Variants in ABCA6 observed in about 807,000 individuals in gnomAD.
ABCA6 encodes the protein ATP-binding cassette sub-family A member 6.
Under a neutral mutation model 191.2 loss-of-function variants are expected in ABCA6, and 164 were observed. The observed-to-expected ratio is 0.86, with a 90% confidence interval of 0.76 to 0.98. The LOEUF is 0.98. Among genes scored for constraint, ABCA6 ranks in the 50% least tolerant of loss-of-function variants. The pLI, the probability that ABCA6 is intolerant of heterozygous loss-of-function variation, is 0.00. For missense variants in ABCA6, 1,958 were observed against 1,894.1 expected (o/e 1.03, Z -0.63); for synonymous variants, 636 against 647.7 (o/e 0.98, Z 0.27).
chr17:69,112,121 C>G, intron 16 of ABCA6, 62 bp downstream of exon 16: 1 of 1,219,490 alleles, frequency 8.2e-7, no homozygotes, highest in Non-Finnish European at 1.2e-6. Context: ...TCATAATTGT[C>G]CACCTTTTTC....
Position 69,114,912 on chromosome 17 carries a change from A to T in ABCA6, c.1632T>A (p.Asn544Lys). Residue 544 changes from asparagine to lysine, a missense_variant, in exon 13 of 39, where the codon AAT (asparagine) becomes AAA (lysine). Transcript: ENST00000284425. Reference sequence around the variant, plus strand: ...CCTCCAAGTCTTGCATTTCAGAGAGATTTTTATTATAGATGGTAACTGATC... The same window carrying T: ...CCTCCAAGTCTTGCATTTCAGAGAGTTTTTTATTATAGATGGTAACTGATC... ...TEGSVTIYNK[N>K]LSEMQDLEEI... is the part of the protein sequence containing the mutation. 3 of 1,611,066 alleles carry T rather than the reference A, an allele frequency of 1.9e-6. No individual in the cohort carries two copies. Among genetic ancestry groups the T allele is most frequent in the Non-Finnish European group, 2.5e-6 (3 of 1,178,386 alleles).
Position 69,136,232 on chromosome 17 carries a change from G to A in ABCA6, c.320C>T (p.Ala107Val). 6.4e-7 allele frequency: 1 copy of A among 1,573,718 alleles called. No homozygotes were observed. The highest frequency in any genetic ancestry group is 8.6e-7 in the Non-Finnish European group (1 of 1,160,266). The change falls in exon 4 of 39, where the codon GCA (alanine) becomes GTA (valine). Residue 107 changes from alanine to valine, a missense_variant. By Grantham distance (64) the Ala-to-Val change is moderately conservative. Transcript: ENST00000284425. ...PLLKGTSVIG[A>V]PNKTHMDEIL... ...TTCGTCCATGTGTGTTTTATTTGGT[G>A]CCCCAATGACACTTGTTCCTGTGAA... is the stretch of plus-strand genomic sequence containing the variant.
chr17:69,084,569 C>T (rs113163376), intron 32 of ABCA6, 62 bp from the exon 33 acceptor site: 1 of 1,454,186 alleles, frequency 6.9e-7, no homozygotes, highest in South Asian at 1.1e-5. Context: ...TCCAAGCACA[C>T]AGAACAGTAA....
chr17:69,123,475 A>T, intron 9 of ABCA6, 68 bp from the exon 10 acceptor site: 1 of 1,141,816 alleles, frequency 8.8e-7, no homozygotes, highest in Non-Finnish European at 1.2e-6. Context: ...AGCCTTGCTA[A>T]CAACAATGCA....
At chr17:69,081,023 A>G (rs1339108136) in intron 37 of ABCA6, 43 bp downstream of exon 37, 1 of 1,176,804 alleles carries the variant, frequency 8.5e-7, no homozygotes, top group Non-Finnish European at 1.2e-6. Flanking sequence ...TTTTAGTATT[A>G]GTTGATTCTT....
In ABCA6 at chr17:69,102,826, C is replaced by A; in HGVS notation, c.2874+9G>T. On this transcript the variant is annotated intron_variant, in intron 21 of 38. Coordinates refer to ENST00000284425, the MANE Select transcript of ABCA6 (RefSeq NM_080284.3). ...TGTTTTTTTCATAAAAGCAAAAAGG[C>A]AAACATACCTTTTGTTTACCAGAAA... is the stretch of plus-strand genomic sequence containing the variant. 4 of 1,566,622 alleles carry A rather than the reference C, an allele frequency of 2.6e-6. No individual in the cohort carries two copies. Among genetic ancestry groups the A allele is most frequent in the Non-Finnish European group, 3.4e-6 (4 of 1,165,054 alleles).
At position 69,120,744 on chromosome 17, in the gene ABCA6, G is replaced by T. The variant is rs144250433; in HGVS notation, c.1436+2495C>A. On this transcript the variant is annotated intron_variant, in intron 10 of 38. Transcript: ENST00000284425. ...TTTCTGGATTTTAGACATGAAATCAGTCATTTACATTTGAGGCAGACATTC... is the reference window on the plus strand; with the variant it reads ...TTTCTGGATTTTAGACATGAAATCATTCATTTACATTTGAGGCAGACATTC... 3.9e-3 allele frequency among the ~76,000 whole-genome samples: 592 copies of T among 152,176 alleles called. 3 individuals carry two copies. The highest frequency in any genetic ancestry group is 0.013 in the African/African-American group (555 of 41,544).
chr17:69,140,653 G>A lies in ABCA6; in HGVS notation c.51C>T (p.Cys17=). The change falls in exon 2 of 39, where the codon TGC becomes TGT. Residue 17 remains cysteine, a synonymous_variant. Transcript: ENST00000284425. ...SVYQQTKALL[C]KNFLKKWRMK... ...TCCTCCATTTCTTAAGAAAATTCTT[G>A]CACAGAAGTGCTTTGGTTTGCTGAT... 1.3e-6 allele frequency: 2 copies of A among 1,599,562 alleles called. No homozygotes were observed. Among genetic ancestry groups the A allele is most frequent in the South Asian group, 1.1e-5 (1 of 88,412 alleles).
At chr17:69,104,832 TAGTC>T (rs1453147643) in intron 20 of ABCA6, 2 of 149,490 alleles carry the variant, frequency 1.3e-5, no homozygotes, top group Non-Finnish European at 3.0e-5. Context: ...AAAAAAAAAT[TAGTC>T]AGACGTGATG....
At position 69,079,226 on chromosome 17, in the gene ABCA6, T is replaced by C; in HGVS notation, c.4736A>G (p.Gln1579Arg). 2 of 1,608,556 alleles carry C rather than the reference T, an allele frequency of 1.2e-6. No individual in the cohort carries two copies. The highest frequency in any genetic ancestry group is 1.7e-6 in the Non-Finnish European group (2 of 1,177,176). Residue 1579 changes from glutamine (Q) to arginine (R), a missense_variant, in exon 38 of 39, where the codon CAG becomes CGG. Coordinates refer to ENST00000284425, the MANE Select transcript of ABCA6 (RefSeq NM_080284.3). Reference sequence around the variant, plus strand: ...TTGACTTACCTTCTCCAGTGTGCACTGAGAAAGGCTGTATTCTTCCAGGTT... The same window carrying C: ...TTGACTTACCTTCTCCAGTGTGCACCGAGAAAGGCTGTATTCTTCCAGGTT... ...NFNLEEYSLS[Q>R]CTLEKVFLEL...
In ABCA6 at chr17:69,107,753, T is replaced by C. The variant is rs982629809; in HGVS notation, c.2332A>G (p.Met778Val). 6.2e-7 allele frequency: 1 copy of C among 1,613,164 alleles called. No individual in the cohort carries two copies. Among genetic ancestry groups the C allele is most frequent in the Non-Finnish European group, 8.5e-7 (1 of 1,179,518 alleles). ...DQGVTGYDISMSTLNEVFMKL... is the reference protein window; with the variant it reads ...DQGVTGYDISVSTLNEVFMKL... The stretch of plus-strand genomic sequence containing the variant: ...ATAAAGACTTCATTTAGAGTTGACA[T>C]GGAAATGTCATAACCTGTCACTCCC... Residue 778 changes from methionine (M) to valine (V), a missense_variant, in exon 18 of 39, where the codon ATG (methionine) becomes GTG (valine). By Grantham distance (21) the Met-to-Val change is conservative (BLOSUM62 1). Transcript: ENST00000284425.
intron 10 of ABCA6, among the ~76,000 whole-genome samples, chr17:69,121,968 G>A (rs1193543413): frequency 1.3e-5 from 2 of 151,994 alleles, no homozygotes; most frequent in South Asian, 2.1e-4. Flanking sequence ...AGAACTAGAT[G>A]GAGGAAGCTT....
intron 27 of ABCA6, among the ~76,000 whole-genome samples, chr17:69,089,092 A>G (rs2072869956): frequency 6.6e-6 from 1 of 152,238 alleles, no homozygotes; most frequent in Non-Finnish European, 1.5e-5. Flanking sequence ...AGTTCCCTTC[A>G]GCCTAAATAC....
At chr17:69,080,968 C>T (rs1443157620) in intron 37 of ABCA6, 98 bp downstream of exon 37, 2 of 720,820 alleles carry the variant, frequency 2.8e-6, no homozygotes, top group Non-Finnish European at 4.5e-6. Flanking sequence ...CCCTACAGCC[C>T]TATTTTAAAA....
rs1336693491 is a variant in ABCA6, at chr17:69,140,307, GACA to G, written c.96+298_96+300del. Among the ~76,000 whole-genome samples the G allele has an allele frequency of 2.6e-5, 4 of 151,910 alleles. No individual in the cohort carries two copies. In the East Asian group the frequency reaches 7.7e-4, roughly 29 times the overall value. On this transcript the variant is annotated intron_variant, in intron 2 of 38. Coordinates refer to ENST00000284425, the MANE Select transcript of ABCA6 (RefSeq NM_080284.3). ...AAATTAAAATGTCTCCATTTCTTCT[GACA>G]ACATTTTTTTTGTACTTCTTGGCTC...
At chr17:69,138,092 C>G (rs1598069823) in intron 2 of ABCA6, among the ~76,000 whole-genome samples, 1 of 152,248 alleles carries the variant, frequency 6.6e-6, no homozygotes, top group East Asian at 1.9e-4. Flanking sequence ...CGTTCATGGA[C>G]ATATACAACT....
chr17:69,087,744 T>G, intron 28 of ABCA6: 1 of 456,738 alleles, frequency 2.2e-6, no homozygotes, highest in Non-Finnish European at 3.9e-6. Context: ...TTAAAATTCA[T>G]GTCACTCTCA....
rs764080725 is a variant in ABCA6, at chr17:69,085,138, G to A, written c.4074C>T (p.Tyr1358=). The A allele has an allele frequency of 1.9e-6, 3 of 1,612,046 alleles. No homozygotes were observed. Residue 1358 remains tyrosine, a synonymous_variant, in exon 32 of 39, where the codon TAC becomes TAT. Coordinates refer to ENST00000284425, the MANE Select transcript of ABCA6 (RefSeq NM_080284.3). The part of the protein sequence containing the change: ...GCSSVLGHLG[Y]CPQENVLWPM... Reference sequence around the variant, plus strand: ...GCCACAGCACGTTCTCTTGAGGGCAGTACCCCAGGTGGCCCAAAACTGAAC... The same window carrying A: ...GCCACAGCACGTTCTCTTGAGGGCAATACCCCAGGTGGCCCAAAACTGAAC...
At chr17:69,112,561 T>A in intron 15 of ABCA6, 1 of 294,622 alleles carries the variant, frequency 3.4e-6, no homozygotes. Flanking sequence ...AAACAGAAAG[T>A]CAAATACTGC....
Sources: allele counts gnomAD v4.1 joint callset (sites outside exome capture counted in the v4.1 genomes callset), GRCh38; gene constraint gnomAD v4.1.1; transcripts MANE v1.5; gene names NCBI Gene and HGNC (gene_info 2026-07-23, HGNC 2026-07-21).